The following DPF2 variants were observed in gnomAD, a reference collection of about 807,000 sequenced individuals.
DPF2 encodes double PHD fingers 2.
Under a neutral mutation model 59.6 loss-of-function variants are expected in DPF2, and 10 were observed. The ratio of observed to expected loss-of-function variants is 0.17; its 90% CI spans 0.10 to 0.28. The LOEUF (loss-of-function observed/expected upper bound fraction) is 0.28, where lower values mean the gene tolerates loss of function less well. DPF2 is among the 10% of genes least tolerant of loss of function. The pLI, the probability that DPF2 is intolerant of heterozygous loss-of-function variation, is 1.00. For missense variants in DPF2, 315 were observed against 509.4 expected (o/e 0.62, Z 3.67); for synonymous variants, 189 against 190.6 (o/e 0.99, Z 0.07).
chr11:65,343,633 G>T (rs990952036), intron 4 of DPF2, 112 bp from the exon 5 acceptor site: 172 of 923,328 alleles, frequency 1.9e-4, no homozygotes, highest in Non-Finnish European at 2.6e-4. Context: ...TGAGGCTGGT[G>T]TGGGTGGGAC....
At chr11:65,337,492 T>A (rs1458988327) in intron 1 of DPF2, among the ~76,000 whole-genome samples, 5 of 67,418 alleles carry the variant, frequency 7.4e-5, no homozygotes, top group East Asian at 4.0e-4. Context: ...TATATATATA[T>A]ATATATATAT....
At chr11:65,342,177 A>T (rs1037217535) in intron 4 of DPF2, among the ~76,000 whole-genome samples, 1 of 152,156 alleles carries the variant, frequency 6.6e-6, no homozygotes. Context: ...AGATTTATCA[A>T]TTCCACATTT....
chr11:65,340,697 A>AGGGCCGGGCGCGG, intron 2 of DPF2, 152 bp downstream of exon 2: 1 of 1,168,926 alleles, frequency 8.6e-7, no homozygotes. Flanking sequence ...CCCAGGGAGG[A>AGGGCCGGGCGCGG]TGAAGCAGAT....
chr11:65,336,374 C>T (rs1950095187), intron 1 of DPF2, among the ~76,000 whole-genome samples: 1 of 151,756 alleles, frequency 6.6e-6, no homozygotes, highest in South Asian at 2.1e-4. Context: ...CACCTGTAGT[C>T]CCAGCTACTT....
intron 10 of DPF2, among the ~76,000 whole-genome samples, chr11:65,351,311 A>G (rs1783853721): frequency 6.6e-6 from 1 of 152,228 alleles, no homozygotes; most frequent in African/African-American, 2.4e-5. Context: ...ATAAGGGACA[A>G]TTATTTTGTG....
chr11:65,346,940 G>GT (rs1463266343), intron 9 of DPF2: 1 of 152,400 alleles, frequency 6.6e-6, no homozygotes, highest in Admixed American at 6.5e-5. Context: ...GGGGCCTCGG[G>GT]TTTTATTCTA....
intron 1 of DPF2, among the ~76,000 whole-genome samples, chr11:65,337,471 AAAAATATATATATAT>A (rs1565527223): frequency 6.0e-5 from 3 of 49,888 alleles, no homozygotes; most frequent in African/African-American, 2.3e-4. Context: ...AAAAAAAAAA[AAAAATATATATATAT>A]ATATATATAT....
At position 65,346,003 on chromosome 11, in the gene DPF2, C is replaced by T. The variant is rs1297840244; in HGVS notation, c.849C>T (p.Asn283=). 5.6e-6 allele frequency: 9 copies of T among 1,614,126 alleles called. No individual in the cohort carries two copies. The East Asian group carries it at 1.8e-4, about 32-fold the overall frequency. Residue 283 remains asparagine (N), a synonymous_variant, in exon 8 of 11, where the codon AAC becomes AAT. Transcript: ENST00000528416. ...TCTGCCTGGGGGACTCAAAGATTAACAAGAAGACGGGACAACCCGAGGAGC... is the reference window on the plus strand; with the variant it reads ...TCTGCCTGGGGGACTCAAAGATTAATAAGAAGACGGGACAACCCGAGGAGC... The part of the protein sequence containing the change: ...CDFCLGDSKI[N]KKTGQPEELV...
Position 65,348,701 on chromosome 11 carries a change from G to T in DPF2, c.1018-149G>T. The T allele has an allele frequency of 4.9e-6, 3 of 615,830 alleles. No individual in the cohort carries two copies. The South Asian group carries it at 6.9e-5, about 14-fold the overall frequency. 38.1% of individuals were successfully genotyped at this position (615,830 alleles called of 1,614,324 possible). On this transcript the variant is annotated intron_variant, in intron 9 of 10. Coordinates refer to ENST00000528416, the MANE Select transcript of DPF2 (RefSeq NM_006268.5). The stretch of plus-strand genomic sequence containing the variant: ...GAGAAATGACAGTGACTGGATCTGC[G>T]GTGGAGAGGGGCAGCATGGTTTCCC...
rs112866560 is a variant in DPF2 at position 65,354,053 on chromosome 11, G to T, written c.*2294G>T. On this transcript the variant is annotated 3_prime_UTR_variant, in exon 11 of 11. Coordinates refer to ENST00000528416, the MANE Select transcript of DPF2 (RefSeq NM_006268.5). ...GACAGTGTCAGCCGGTAGGACGGGG[G>T]TGCGGACGGAAGCCTGTGAGGAAGG... is the stretch of plus-strand genomic sequence containing the variant. Among the ~76,000 whole-genome samples, 1,208 of 152,306 alleles carry T rather than the reference G, an allele frequency of 7.9e-3. 11 individuals carry two copies. The highest frequency in any genetic ancestry group is 0.024 in the African/African-American group (1,007 of 41,564).
intron 8 of DPF2, 27 bp from the exon 9 acceptor site, chr11:65,346,220 C>G (rs759255085): frequency 1.2e-6 from 2 of 1,611,432 alleles, no homozygotes; most frequent in South Asian, 2.2e-5. Flanking sequence ...TTCCGACTGT[C>G]TGTCTCACTC....
intron 4 of DPF2, among the ~76,000 whole-genome samples, chr11:65,342,825 A>G (rs1163810652): frequency 1.3e-5 from 2 of 150,236 alleles, no homozygotes; most frequent in Non-Finnish European, 3.0e-5. Flanking sequence ...ATCCTGGCTA[A>G]CATGGTGAAA....
chr11:65,341,154 G>C, intron 3 of DPF2, 81 bp downstream of exon 3: 1 of 1,449,666 alleles, frequency 6.9e-7, no homozygotes, highest in Non-Finnish European at 9.6e-7. Flanking sequence ...ACCAGGCCCA[G>C]TACTAGATCC....
rs1371185428 is a variant in DPF2 at position 65,353,192 on chromosome 11, T to G, written c.*1433T>G. ...CATAAATTCAAGTTTATAACAATTC[T>G]TTGTTATAAAGAACAATGAAGCTGT... On this transcript the variant is annotated 3_prime_UTR_variant, in exon 11 of 11. Coordinates refer to ENST00000528416, the MANE Select transcript of DPF2 (RefSeq NM_006268.5). The G allele has an allele frequency of 1.3e-5, 2 of 152,346 alleles. No homozygotes were observed. Among genetic ancestry groups the G allele is most frequent in the Admixed American group, 6.5e-5 (1 of 15,312 alleles). 9.4% of individuals were successfully genotyped at this position (152,346 alleles called of 1,614,324 possible).
At chr11:65,343,188 A>G (rs1055198175) in intron 4 of DPF2, among the ~76,000 whole-genome samples, 1 of 151,116 alleles carries the variant, frequency 6.6e-6, no homozygotes, top group Non-Finnish European at 1.5e-5. Context: ...AATTCCACCT[A>G]CTTGGGAGGC....
intron 9 of DPF2, chr11:65,348,619 A>AC: frequency 2.2e-6 from 1 of 446,960 alleles, no homozygotes; most frequent in Non-Finnish European, 4.0e-6. Context: ...GGGAAAAAAA[A>AC]AAAAAAAAAA....
intron 10 of DPF2, among the ~76,000 whole-genome samples, chr11:65,350,423 G>A (rs1401188987): frequency 8.4e-6 from 1 of 119,276 alleles, no homozygotes; most frequent in Non-Finnish European, 1.6e-5. Context: ...TGCCCATGTT[G>A]GAGTGGAGTG....
At chr11:65,344,176 C>G in intron 6 of DPF2, 107 bp downstream of exon 6, 2 of 1,174,788 alleles carry the variant, frequency 1.7e-6, no homozygotes, top group Non-Finnish European at 2.5e-6. Flanking sequence ...TAAAACAAAC[C>G]TGGGCTCTTG....
In DPF2 at chr11:65,354,221, C is replaced by T. The variant is rs551554870; in HGVS notation, c.*2462C>T. Among the ~76,000 whole-genome samples, 5 of 152,342 alleles carry T rather than the reference C, an allele frequency of 3.3e-5. No homozygotes were observed. Among genetic ancestry groups the T allele is most frequent in the African/African-American group, 9.6e-5 (4 of 41,578 alleles). ...AGATCTTGAGTTTAAGAACTTGAAT[C>T]TTGTAAAGTACCAAATCTAATAAAA... On this transcript the variant is annotated 3_prime_UTR_variant, in exon 11 of 11. Coordinates refer to ENST00000528416, the MANE Select transcript of DPF2 (RefSeq NM_006268.5).
Sources: allele counts gnomAD v4.1 joint callset (sites outside exome capture counted in the v4.1 genomes callset), GRCh38; gene constraint gnomAD v4.1.1; transcripts MANE v1.5; gene names NCBI Gene and HGNC (gene_info 2026-07-23, HGNC 2026-07-21).